Variants in MED13L observed in about 807,000 individuals in gnomAD.
MED13L encodes the protein mediator complex subunit 13L.
A neutral mutation model predicts 220.9 loss-of-function variants in MED13L; 7 were observed. That is an observed-to-expected ratio of 0.03 (90% CI 0.02 to 0.06). The LOEUF is 0.06. MED13L is among the 10% of genes least tolerant of loss of function. The pLI is 1.00. For missense variants in MED13L, 1,965 were observed against 2,760.5 expected (o/e 0.71, Z 6.46); for synonymous variants, 1,011 against 1,015.2 (o/e 1.00, Z 0.08).
intron 1 of MED13L, among the ~76,000 whole-genome samples, chr12:116,238,091 T>C (rs1294511174): frequency 2.0e-5 from 3 of 152,276 alleles, no homozygotes; most frequent in Non-Finnish European, 4.4e-5. Flanking sequence ...TAAGTTTGTA[T>C]ATATGAAATA....
intron 1 of MED13L, among the ~76,000 whole-genome samples, chr12:116,272,975 G>A (rs188663683): frequency 7.2e-5 from 11 of 152,202 alleles, no homozygotes; most frequent in East Asian, 5.8e-4. Flanking sequence ...ATGCTAAACC[G>A]AAAACATACA....
chr12:115,995,943 T>C (rs1384602780), intron 16 of MED13L, among the ~76,000 whole-genome samples: 1 of 152,162 alleles, frequency 6.6e-6, no homozygotes, highest in Non-Finnish European at 1.5e-5. Context: ...AACTCCTGAG[T>C]AAATCCACTG....
chr12:116,016,229 C>T (rs1879715128), intron 7 of MED13L, among the ~76,000 whole-genome samples: 1 of 151,886 alleles, frequency 6.6e-6, no homozygotes, highest in African/African-American at 2.4e-5. Flanking sequence ...AACTTTATAA[C>T]ACAAACTAAG....
At position 116,133,114 on chromosome 12, in the gene MED13L, G is replaced by A. The variant is rs567696501; in HGVS notation, c.311-21602C>T. Among the ~76,000 whole-genome samples the A allele has an allele frequency of 1.2e-4, 18 of 152,236 alleles. No individual in the cohort carries two copies. The South Asian group carries it at 3.5e-3, about 30-fold the overall frequency. Reference sequence around the variant, plus strand: ...TAAAGAGAAGAATCTTTGACCATTCGATAGAAGGAAAATGAGTGAATGGGC... The same window carrying A: ...TAAAGAGAAGAATCTTTGACCATTCAATAGAAGGAAAATGAGTGAATGGGC... On this transcript the variant is annotated intron_variant, in intron 2 of 30. Coordinates refer to ENST00000281928, the MANE Select transcript of MED13L (RefSeq NM_015335.5).
chr12:116,224,877 C>T (rs931087635), intron 2 of MED13L, among the ~76,000 whole-genome samples: 3 of 152,086 alleles, frequency 2.0e-5, no homozygotes, highest in African/African-American at 4.8e-5. Flanking sequence ...TAAGGCTTCA[C>T]CATGTTGCCC....
chr12:116,172,927 C>CA (rs560335454), intron 2 of MED13L, among the ~76,000 whole-genome samples: 10,029 of 59,974 alleles, frequency 0.17, 438 homozygotes, highest in Middle Eastern at 0.28. Flanking sequence ...CCATTTAAGA[C>CA]AAAAAAAAAA....
chr12:116,134,136 A>G (rs75914421), intron 2 of MED13L, among the ~76,000 whole-genome samples: 591 of 152,326 alleles, frequency 3.9e-3, no homozygotes, highest in Non-Finnish European at 6.6e-3. Context: ...ATTAGATGAT[A>G]TACATCCAGT....
chr12:116,146,818 A>G (rs544296581), intron 2 of MED13L, among the ~76,000 whole-genome samples: 8 of 152,234 alleles, frequency 5.3e-5, no homozygotes, highest in Non-Finnish European at 1.0e-4. Flanking sequence ...CAGTGAGCCA[A>G]GATCGCACCA....
intron 4 of MED13L, among the ~76,000 whole-genome samples, chr12:116,058,276 C>A (rs960293532): frequency 3.3e-5 from 5 of 152,108 alleles, no homozygotes; most frequent in African/African-American, 1.2e-4. Flanking sequence ...TCCTTCTAAG[C>A]TCATGTGATT....
intron 2 of MED13L, among the ~76,000 whole-genome samples, chr12:116,152,820 C>CA (rs1168951027): frequency 6.6e-6 from 1 of 151,692 alleles, no homozygotes; most frequent in African/African-American, 2.4e-5. Context: ...AAAAAGTAGA[C>CA]AAAGTAAATA....
At chr12:115,992,101 T>A in intron 16 of MED13L, 144 bp from the exon 17 acceptor site, 2 of 759,666 alleles carry the variant, frequency 2.6e-6, no homozygotes, top group Non-Finnish European at 4.4e-6. Context: ...TTTAATTTTC[T>A]CTTAAAAAAA....
At chr12:115,996,427 A>G (rs1463915514) in intron 16 of MED13L, 49 bp downstream of exon 16, 6 of 1,575,400 alleles carry the variant, frequency 3.8e-6, no homozygotes. Flanking sequence ...TAGTTAAGAT[A>G]AAAATTGCAT....
intron 2 of MED13L, among the ~76,000 whole-genome samples, chr12:116,192,950 G>C (rs1358076850): frequency 1.3e-5 from 2 of 152,150 alleles, no homozygotes; most frequent in Non-Finnish European, 2.9e-5. Context: ...GGCTAACACG[G>C]TGAAACCGCG....
chr12:116,142,186 T>A (rs951943241), intron 2 of MED13L, among the ~76,000 whole-genome samples: 1 of 152,196 alleles, frequency 6.6e-6, no homozygotes, highest in Admixed American at 6.5e-5. Flanking sequence ...ATCTGGTATA[T>A]TTTATGTGTT....
At chr12:116,023,539 G>A (rs1438381273) in intron 4 of MED13L, among the ~76,000 whole-genome samples, 1 of 151,632 alleles carries the variant, frequency 6.6e-6, no homozygotes, top group Non-Finnish European at 1.5e-5. Flanking sequence ...AAGTACATTT[G>A]GAGTACTACT....
intron 4 of MED13L, among the ~76,000 whole-genome samples, chr12:116,071,297 A>T (rs1870352178): frequency 6.6e-6 from 1 of 152,262 alleles, no homozygotes; most frequent in Non-Finnish European, 1.5e-5. Flanking sequence ...AAATTTCATG[A>T]ACTGAAATAA....
chr12:116,213,332 G>A (rs1336219834), intron 2 of MED13L, among the ~76,000 whole-genome samples: 1 of 152,126 alleles, frequency 6.6e-6, no homozygotes, highest in Non-Finnish European at 1.5e-5. Context: ...AAGCATGGAG[G>A]GGCAAATGTT....
chr12:116,105,583 C>A (rs1873497055), intron 3 of MED13L, among the ~76,000 whole-genome samples: 1 of 151,860 alleles, frequency 6.6e-6, no homozygotes, highest in Non-Finnish European at 1.5e-5. Flanking sequence ...CAGAAGAAGC[C>A]AATAAGACTC....
intron 2 of MED13L, among the ~76,000 whole-genome samples, chr12:116,190,610 T>C (rs1881209112): frequency 6.6e-6 from 1 of 152,228 alleles, no homozygotes; most frequent in African/African-American, 2.4e-5. Flanking sequence ...TCTCATACTT[T>C]TTGTTAAATC....
Sources: gnomAD v4.1 joint callset for allele counts (sites outside exome capture counted in the v4.1 genomes callset) on GRCh38, gnomAD v4.1.1 for gene constraint, MANE v1.5 for transcripts, NCBI Gene and HGNC (gene_info 2026-07-23, HGNC 2026-07-21) for gene names.